The following ANKRD30B variants were observed in gnomAD, a reference collection of about 807,000 sequenced individuals.
ANKRD30B encodes ankyrin repeat domain 30B.
In ANKRD30B, 144 loss-of-function variants were observed where a neutral mutation model predicts 202.2. That is an observed-to-expected ratio of 0.71 (90% CI 0.62 to 0.82). ANKRD30B has a LOEUF of 0.82. Ranked by LOEUF, ANKRD30B falls within the 40% of genes least tolerant of loss-of-function variation. ANKRD30B has a pLI of 0.00. For synonymous variants in ANKRD30B, 508 were observed against 561.3 expected (o/e 0.91, Z 1.34); for missense variants, 1,487 against 1,669.1 (o/e 0.89, Z 1.90).
chr18:14,798,051 C>T (rs540854855), intron 20 of ANKRD30B, among the ~76,000 whole-genome samples, 197 bp downstream of exon 20: 1 of 152,092 alleles, frequency 6.6e-6, no homozygotes, highest in Non-Finnish European at 1.5e-5. Flanking sequence ...AAAAATTCAG[C>T]TTTGCCTCAT....
At position 14,748,259 on chromosome 18, in the gene ANKRD30B, A is replaced by G; in HGVS notation, c.-161A>G. On this transcript the variant is annotated 5_prime_UTR_variant, in exon 1 of 44. Coordinates refer to ENST00000690538, the MANE Select transcript of ANKRD30B (RefSeq NM_001367607.2). ...AGTGTTCAAGAGCTTGGCGATACAG[A>G]AATTTCTGCTGGTGTTGGGGCGGGT... is the stretch of plus-strand genomic sequence containing the variant. 5.2e-6 allele frequency: 3 copies of G among 573,878 alleles called. No individual in the cohort carries two copies. The highest frequency in any genetic ancestry group is 1.9e-5 in the African/African-American group (1 of 53,148). 35.5% of individuals were successfully genotyped at this position (573,878 alleles called of 1,614,324 possible).
chr18:14,911,027 C>T, the ANKRD30B span, among the ~76,000 whole-genome samples: 1 of 152,094 alleles, frequency 6.6e-6, no homozygotes, highest in Non-Finnish European at 1.5e-5. Context: ...GATATTGGCC[C>T]TTTGACTGAT....
At chr18:14,923,399 A>G in the ANKRD30B span, among the ~76,000 whole-genome samples, 1 of 152,148 alleles carries the variant, frequency 6.6e-6, no homozygotes, top group Admixed American at 6.5e-5. Flanking sequence ...GGTGGTGACC[A>G]TGAGGAGAGG....
At chr18:14,786,487 C>T (rs1263489065) in intron 14 of ANKRD30B, among the ~76,000 whole-genome samples, 1 of 152,168 alleles carries the variant, frequency 6.6e-6, no homozygotes, top group Non-Finnish European at 1.5e-5. Context: ...CATCCTAAAA[C>T]ATATACACAC....
At chr18:14,866,529 G>A in the ANKRD30B span, among the ~76,000 whole-genome samples, 1 of 152,130 alleles carries the variant, frequency 6.6e-6, no homozygotes, top group Admixed American at 6.5e-5. Context: ...AGAAGGTGGG[G>A]ACCGTGCCCA....
intron 36 of ANKRD30B, among the ~76,000 whole-genome samples, 186 bp downstream of exon 36, chr18:14,837,862 A>T (rs1971247251): frequency 6.6e-6 from 1 of 152,122 alleles, no homozygotes; most frequent in Non-Finnish European, 1.5e-5. Flanking sequence ...AAAAATACAA[A>T]AAATTTAGCT....
the ANKRD30B span, among the ~76,000 whole-genome samples, chr18:14,917,274 A>G: frequency 2.5e-4 from 38 of 152,132 alleles, no homozygotes; most frequent in East Asian, 6.9e-3. Context: ...CTGCTTTCCC[A>G]CAATTTCCCC....
intron 37 of ANKRD30B, among the ~76,000 whole-genome samples, chr18:14,841,823 G>A (rs188245214): frequency 6.6e-6 from 1 of 152,132 alleles, no homozygotes. Flanking sequence ...AGAGACTACC[G>A]GAAGCGGGAG....
chr18:14,915,772 C>T, the ANKRD30B span: 1 of 152,172 alleles, frequency 6.6e-6, no homozygotes, highest in Non-Finnish European at 1.5e-5. Flanking sequence ...ACATATACTT[C>T]AAAATGTCCT....
chr18:14,893,080 A>G, the ANKRD30B span, among the ~76,000 whole-genome samples: 4 of 152,160 alleles, frequency 2.6e-5, no homozygotes, highest in Admixed American at 6.5e-5. Context: ...TTTAAAAAAC[A>G]CCATTCACAC....
In ANKRD30B at chr18:14,830,798, G is replaced by GTCAC. The variant is rs58744121; in HGVS notation, c.2775-583_2775-580dup. Among the ~76,000 whole-genome samples the GTCAC allele has an allele frequency of 3.3e-3, 500 of 152,322 alleles. 2 individuals are homozygous for GTCAC. The highest frequency in any genetic ancestry group is 4.9e-3 in the Non-Finnish European group (335 of 68,036). ...TCAGGGTATGCCAATTATATTGGCGGTCACTATTTTTTATGGAACTAAGAG... is the reference window on the plus strand; with the variant it reads ...TCAGGGTATGCCAATTATATTGGCGGTCACTCACTATTTTTTATGGAACTAAGAG... On this transcript the variant is annotated intron_variant, in intron 33 of 43. Transcript: ENST00000690538.
At chr18:14,752,093 A>G (rs1045098751) in intron 1 of ANKRD30B, among the ~76,000 whole-genome samples, 32 of 152,322 alleles carry the variant, frequency 2.1e-4, no homozygotes, top group Admixed American at 1.7e-3. Context: ...TAATTGCACC[A>G]TTTTACTTAA....
At position 14,850,305 on chromosome 18, in the gene ANKRD30B, G is replaced by T. The variant is rs1971830500; in HGVS notation, c.3487G>T (p.Glu1163Ter). Residue 1163 changes from glutamate (E) to a stop codon, truncating the protein, a stop_gained, in exon 41 of 44, where the codon GAA becomes TAA. Coordinates refer to ENST00000690538, the MANE Select transcript of ANKRD30B (RefSeq NM_001367607.2). LOFTEE classifies it high-confidence loss of function. ...RPEEQLRKKL[E>*]VKQQLEQTLR... Reference sequence around the variant, plus strand: ...CGAAGAGCAACTTAGGAAAAAGTTAGAAGTGAAACAACAACTTGAACAGAC... The same window carrying T: ...CGAAGAGCAACTTAGGAAAAAGTTATAAGTGAAACAACAACTTGAACAGAC... The T allele has an allele frequency of 4.4e-6, 7 of 1,592,356 alleles. No homozygotes were observed. The highest frequency in any genetic ancestry group is 3.5e-5 in the Admixed American group (2 of 56,374).
At chr18:14,809,766 A>G (rs1656857272) in intron 26 of ANKRD30B, among the ~76,000 whole-genome samples, 1 of 151,080 alleles carries the variant, frequency 6.6e-6, no homozygotes, top group Non-Finnish European at 1.5e-5. Context: ...TTTTACAATA[A>G]TCAGGAGCAT....
the ANKRD30B span, among the ~76,000 whole-genome samples, chr18:14,883,253 A>G: frequency 6.6e-6 from 1 of 151,678 alleles, no homozygotes; most frequent in South Asian, 2.1e-4. Context: ...GGGAATTTTT[A>G]AAATACCACT....
At chr18:14,792,315 G>T (rs1017211495) in intron 16 of ANKRD30B, among the ~76,000 whole-genome samples, 1 of 152,100 alleles carries the variant, frequency 6.6e-6, no homozygotes, top group African/African-American at 2.4e-5. Context: ...GGACAGAAAA[G>T]GGTCAGGAGA....
chr18:14,839,373 T>C (rs1971314976), intron 36 of ANKRD30B, among the ~76,000 whole-genome samples: 1 of 152,150 alleles, frequency 6.6e-6, no homozygotes. Flanking sequence ...GAGTAAGCCA[T>C]ATGAAAGTCT....
At chr18:14,833,530 A>G (rs1971044734) in intron 34 of ANKRD30B, among the ~76,000 whole-genome samples, 1 of 152,196 alleles carries the variant, frequency 6.6e-6, no homozygotes, top group Admixed American at 6.5e-5. Context: ...GATTACCAAT[A>G]CTTTCTTCAG....
At chr18:14,870,050 G>T in the ANKRD30B span, among the ~76,000 whole-genome samples, 7 of 152,286 alleles carry the variant, frequency 4.6e-5, no homozygotes, top group African/African-American at 1.7e-4. Context: ...TGATCATGCC[G>T]GTCTCGAACT....
Sources: allele counts gnomAD v4.1 joint callset (sites outside exome capture counted in the v4.1 genomes callset), GRCh38; gene constraint gnomAD v4.1.1; transcripts MANE v1.5; gene names NCBI Gene and HGNC (gene_info 2026-07-23, HGNC 2026-07-21).